The following PMEPA1 variants were observed in gnomAD, a reference collection of about 807,000 sequenced individuals.
PMEPA1 encodes the protein protein TMEPAI.
In PMEPA1, 11 loss-of-function variants were observed where a neutral mutation model predicts 23.0. That is an observed-to-expected ratio of 0.48 (90% CI 0.30 to 0.79). The LOEUF is 0.79. Among genes scored for constraint, PMEPA1 ranks in the 30% least tolerant of loss-of-function variants. The probability of loss-of-function intolerance (pLI) is 0.06; values close to 1 mark genes in which losing one functional copy is unlikely to be tolerated. For missense variants in PMEPA1, 377 were observed against 390.9 expected (o/e 0.96, Z 0.30); for synonymous variants, 204 against 166.4 (o/e 1.23, Z -1.74).
At position 57,656,667 on chromosome 20, in the gene PMEPA1, C is replaced by A. The variant is rs60088528; in HGVS notation, c.264+2876G>T. Among the ~76,000 whole-genome samples, 531 of 152,278 alleles carry A rather than the reference C, an allele frequency of 3.5e-3. 5 individuals carry two copies. The highest frequency in any genetic ancestry group is 0.012 in the African/African-American group (510 of 41,568). On this transcript the variant is annotated intron_variant, in intron 2 of 3. Coordinates refer to ENST00000341744, the MANE Select transcript of PMEPA1 (RefSeq NM_020182.5). The surrounding 1 kb of genome is among the most constrained non-coding windows in gnomAD (Gnocchi z 4.7). Reference sequence around the variant, plus strand: ...GGGCAGATCCTTGCCCAGTGTCACACAACAAGGAGGTGACAAGGCCGAGAA... The same window carrying A: ...GGGCAGATCCTTGCCCAGTGTCACAAAACAAGGAGGTGACAAGGCCGAGAA...
chr20:57,703,957 G>C (rs1386207480), intron 1 of PMEPA1, among the ~76,000 whole-genome samples: 4 of 152,042 alleles, frequency 2.6e-5, no homozygotes, highest in Non-Finnish European at 2.9e-5. Flanking sequence ...ACAGTGAAGG[G>C]GGGCACAAAG....
chr20:57,693,535 G>A (rs990761074), intron 1 of PMEPA1, among the ~76,000 whole-genome samples: 2 of 152,222 alleles, frequency 1.3e-5, no homozygotes, highest in African/African-American at 2.4e-5. Flanking sequence ...GGTGGCAGGT[G>A]TAACTGCAAG....
At chr20:57,685,529 A>G (rs1226946483) in intron 1 of PMEPA1, among the ~76,000 whole-genome samples, 1 of 152,150 alleles carries the variant, frequency 6.6e-6, no homozygotes, top group East Asian at 1.9e-4. Context: ...TCGGCCTAAA[A>G]CGATTTGTCA....
chr20:57,666,587 T>G (rs203390), intron 1 of PMEPA1, among the ~76,000 whole-genome samples: 1 of 152,000 alleles, frequency 6.6e-6, no homozygotes, highest in African/African-American at 2.4e-5. Flanking sequence ...AGCGGGAGAT[T>G]GAGCCAAGGG....
At chr20:57,672,173 A>G (rs1191840182) in intron 1 of PMEPA1, among the ~76,000 whole-genome samples, 1 of 152,274 alleles carries the variant, frequency 6.6e-6, no homozygotes, top group African/African-American at 2.4e-5. Flanking sequence ...TTAAATCTTA[A>G]TAACATACCA....
intron 2 of PMEPA1, 105 bp from the exon 3 acceptor site, chr20:57,653,191 T>C (rs1288127565): frequency 1.1e-6 from 1 of 932,540 alleles, no homozygotes; most frequent in African/African-American, 1.6e-5. Context: ...GAATCAGCTC[T>C]TGAACCCGCC....
At chr20:57,659,449 C>T in intron 2 of PMEPA1, 94 bp downstream of exon 2, 1 of 1,354,002 alleles carries the variant, frequency 7.4e-7, no homozygotes, top group Non-Finnish European at 1.0e-6. Context: ...AATCTGTTTC[C>T]TGCAAACGCT....
chr20:57,671,289 C>A (rs147309377), intron 1 of PMEPA1, among the ~76,000 whole-genome samples: 1 of 152,062 alleles, frequency 6.6e-6, no homozygotes, highest in African/African-American at 2.4e-5. Flanking sequence ...GCATAACATC[C>A]GAAAGTTATT....
Position 57,652,293 on chromosome 20 carries a change from G to T in PMEPA1, c.624C>A (p.Pro208=). 2 of 1,609,676 alleles carry T rather than the reference G, an allele frequency of 1.2e-6. No homozygotes were observed. The highest frequency in any genetic ancestry group is 2.2e-5 in the South Asian group (2 of 91,066). The change falls in exon 4 of 4, where the codon CCC becomes CCA. Residue 208 remains proline (P), a synonymous_variant. Transcript: ENST00000341744. This position sits in a 1 kb window ranked among gnomAD's most constrained non-coding sequence, Gnocchi z 6.1. ...TGGCGCTGATGCCCGAGTTACTGCT[G>T]GGGGGGCAGGGGCCGCCCAGCCTGG... ...DSARLGGPCP[P]SSNSGISATC... is the part of the protein sequence containing the mutation.
chr20:57,670,550 T>C (rs2071553815), intron 1 of PMEPA1, among the ~76,000 whole-genome samples: 1 of 152,180 alleles, frequency 6.6e-6, no homozygotes, highest in Admixed American at 6.5e-5. Flanking sequence ...TCAGGTCGCA[T>C]GCACACCTGC....
intron 1 of PMEPA1, among the ~76,000 whole-genome samples, chr20:57,664,814 G>A (rs1005981901): frequency 6.6e-6 from 1 of 152,234 alleles, no homozygotes; most frequent in African/African-American, 2.4e-5. Flanking sequence ...AAAGGGCCAA[G>A]CAGGCCACAC....
At chr20:57,710,357 C>A (rs574827223), upstream of PMEPA1, 4 of 1,267,598 alleles carry the variant, frequency 3.2e-6, no homozygotes, top group Admixed American at 1.0e-4. Flanking sequence ...GGTCCTTGAC[C>A]CAGGCTCTTG....
upstream of PMEPA1, chr20:57,710,327 C>T (rs933845767): frequency 2.2e-5 from 20 of 928,140 alleles, no homozygotes; most frequent in African/African-American, 1.2e-4. Flanking sequence ...GGTGCGCCCT[C>T]CCCTCGCCCC....
chr20:57,667,446 A>G (rs930588219), intron 1 of PMEPA1, among the ~76,000 whole-genome samples: 2 of 152,154 alleles, frequency 1.3e-5, no homozygotes, highest in East Asian at 3.9e-4. Context: ...CGGGGGCAAC[A>G]ATGGGGTGCT....
At chr20:57,709,397 C>A (rs1459325375) in intron 1 of PMEPA1, 77 bp downstream of exon 1, 39 of 995,334 alleles carry the variant, frequency 3.9e-5, no homozygotes, top group African/African-American at 8.8e-5. Context: ...GGGCCCGGAC[C>A]CCCGCTCGCA....
intron 1 of PMEPA1, among the ~76,000 whole-genome samples, chr20:57,674,778 C>A (rs570575411): frequency 4.4e-4 from 67 of 152,350 alleles, no homozygotes; most frequent in Non-Finnish European, 8.5e-4. Context: ...GTATGCCAGG[C>A]CCTGCATGAG....
intron 1 of PMEPA1, among the ~76,000 whole-genome samples, chr20:57,676,135 G>A (rs958337767): frequency 2.6e-5 from 4 of 152,376 alleles, no homozygotes; most frequent in Non-Finnish European, 4.4e-5. Flanking sequence ...TCTGAGCGTC[G>A]AGATGGGGAC....
At chr20:57,711,365 C>T (rs925564570), upstream of PMEPA1, 4 of 152,188 alleles carry the variant, frequency 2.6e-5, no homozygotes, top group African/African-American at 9.7e-5. Context: ...CAGAGAAAGC[C>T]GGTGCAGGAA....
intron 1 of PMEPA1, among the ~76,000 whole-genome samples, chr20:57,671,298 T>C (rs967750545): frequency 6.6e-6 from 1 of 152,168 alleles, no homozygotes; most frequent in Non-Finnish European, 1.5e-5. Flanking sequence ...CCGAAAGTTA[T>C]TTAAAATAAA....
Sources: allele counts gnomAD v4.1 joint callset (sites outside exome capture counted in the v4.1 genomes callset), GRCh38; gene constraint gnomAD v4.1.1; non-coding constraint Gnocchi (gnomAD v3.1); transcripts MANE v1.5; gene names NCBI Gene and HGNC (gene_info 2026-07-23, HGNC 2026-07-21).